Variants in GNG2 observed in about 807,000 individuals in gnomAD.
GNG2 encodes the protein guanine nucleotide-binding protein G(I)/G(S)/G(O) subunit gamma-2.
GNG2 carries 5 observed loss-of-function variants against 5.5 expected under a neutral mutation model. That is an observed-to-expected ratio of 0.91 (90% CI 0.48 to 1.92). GNG2 has a LOEUF of 1.92. GNG2 is among the 30% of genes most tolerant of loss of function. The pLI, the probability that GNG2 is intolerant of heterozygous loss-of-function variation, is 0.01. For missense variants in GNG2, 55 were observed against 88.4 expected (o/e 0.62, Z 1.52); for synonymous variants, 28 against 32.0 (o/e 0.88, Z 0.42).
At chr14:51,846,710 T>G (rs1423940235) in intron 2 of GNG2, among the ~76,000 whole-genome samples, 1 of 152,176 alleles carries the variant, frequency 6.6e-6, no homozygotes, top group Non-Finnish European at 1.5e-5. Context: ...CCCGTCACCA[T>G]GCCAACACCC....
chr14:51,840,993 C>T (rs1338024835), intron 2 of GNG2, among the ~76,000 whole-genome samples: 1 of 152,034 alleles, frequency 6.6e-6, no homozygotes, highest in Non-Finnish European at 1.5e-5. Flanking sequence ...TAATTTTTTT[C>T]CGAGAGCAGA....
chr14:51,942,601 T>TCTTTCTTTCTTTCTTTCTTTCTTTC (rs1277558601), intron 2 of GNG2, among the ~76,000 whole-genome samples: 12 of 15,328 alleles, frequency 7.8e-4, no homozygotes, highest in African/African-American at 1.2e-3. Context: ...TTTTTTTTTT[T>TCTTTCTTTCTTTCTTTCTTTCTTTC]TTTTTAGAGA....
intron 2 of GNG2, among the ~76,000 whole-genome samples, chr14:51,835,540 T>C (rs116644018): frequency 0.012 from 1,794 of 152,296 alleles, 24 homozygotes; most frequent in African/African-American, 0.037. Flanking sequence ...ATTTGAGATA[T>C]GCTGACCCAG....
intron 2 of GNG2, chr14:51,877,924 C>T (rs1883782491): frequency 3.3e-5 from 9 of 269,976 alleles, no homozygotes; most frequent in South Asian, 3.3e-4. Context: ...GCTGTCTTAA[C>T]AGAATGTATC....
intron 2 of GNG2, among the ~76,000 whole-genome samples, chr14:51,910,412 A>G (rs749021395): frequency 6.6e-6 from 1 of 152,244 alleles, no homozygotes; most frequent in African/African-American, 2.4e-5. Flanking sequence ...CAAATCATAA[A>G]GGACCGATAC....
intron 2 of GNG2, among the ~76,000 whole-genome samples, chr14:51,936,115 AG>A (rs1272897637): frequency 6.6e-6 from 1 of 152,196 alleles, no homozygotes; most frequent in Non-Finnish European, 1.5e-5. Flanking sequence ...AATAAAACAC[AG>A]TGCCACTCTG....
chr14:51,902,993 C>T (rs1485147324), intron 2 of GNG2, among the ~76,000 whole-genome samples: 2 of 152,148 alleles, frequency 1.3e-5, no homozygotes, highest in African/African-American at 4.8e-5. Context: ...TCTGAAAGGA[C>T]CTACTTAGTT....
chr14:51,963,426 C>T (rs1889726177), intron 3 of GNG2, among the ~76,000 whole-genome samples: 1 of 152,178 alleles, frequency 6.6e-6, no homozygotes, highest in Non-Finnish European at 1.5e-5. Flanking sequence ...GATTTACTGT[C>T]TCCACTGCCT....
In GNG2 at chr14:51,927,633, G is replaced by A. The variant is rs553186925; in HGVS notation, c.-29-23017G>A. Among the ~76,000 whole-genome samples the A allele has an allele frequency of 2.6e-5, 4 of 152,262 alleles. No homozygotes were observed. In the East Asian group the frequency reaches 7.7e-4, roughly 29 times the overall value. ...TTCCTAAAAATAGGGGCTGTGCCTG[G>A]TTCCCTGTTTTATCCCTAGCTCCAA... On this transcript the variant is annotated intron_variant, in intron 2 of 3. Transcript: ENST00000556766.
rs373492907 is a variant in GNG2, at chr14:51,890,960, C to T, written c.-30+13303C>T. Among the ~76,000 whole-genome samples the T allele has an allele frequency of 1.8e-4, 28 of 152,090 alleles. No individual in the cohort carries two copies. In the East Asian group the frequency reaches 2.9e-3, roughly 16 times the overall value. ...TGAATTCCAGCTTATAGAGCATCTT[C>T]AGCAAAGAACAGTACATTCTTTAGA... On this transcript the variant is annotated intron_variant, in intron 2 of 3. Transcript: ENST00000556766.
chr14:51,883,652 A>G (rs199662398), intron 2 of GNG2, among the ~76,000 whole-genome samples: 3 of 152,324 alleles, frequency 2.0e-5, no homozygotes, highest in East Asian at 3.9e-4. Context: ...ATTTCTTACA[A>G]TATGATTCAT....
intron 2 of GNG2, among the ~76,000 whole-genome samples, chr14:51,929,017 C>A (rs1200361169): frequency 6.6e-6 from 1 of 152,184 alleles, no homozygotes; most frequent in Non-Finnish European, 1.5e-5. Context: ...AGATTCTGTT[C>A]TGTCGTTTAT....
chr14:51,964,372 G>A (rs1889779213), intron 3 of GNG2, among the ~76,000 whole-genome samples: 1 of 152,230 alleles, frequency 6.6e-6, no homozygotes, highest in Admixed American at 6.5e-5. Context: ...AAGACAGCCA[G>A]AGGAAACAAA....
chr14:51,891,206 T>C (rs1884834170), intron 2 of GNG2, among the ~76,000 whole-genome samples: 2 of 152,236 alleles, frequency 1.3e-5, no homozygotes, highest in Admixed American at 1.3e-4. Flanking sequence ...CCTTTTTGTC[T>C]TTAATAAATC....
intron 2 of GNG2, among the ~76,000 whole-genome samples, chr14:51,841,060 A>G (rs1325696664): frequency 6.6e-6 from 1 of 152,224 alleles, no homozygotes; most frequent in Middle Eastern, 3.2e-3. Flanking sequence ...ACCCAAGATC[A>G]ATAAAATACT....
At chr14:51,851,044 T>A (rs1033117039) in intron 2 of GNG2, among the ~76,000 whole-genome samples, 4 of 152,242 alleles carry the variant, frequency 2.6e-5, no homozygotes, top group Non-Finnish European at 5.9e-5. Context: ...GGAGCTTATG[T>A]ACACAATGTT....
intron 2 of GNG2, among the ~76,000 whole-genome samples, chr14:51,896,425 G>T (rs11625611): frequency 0.42 from 64,342 of 151,984 alleles, 14,096 homozygotes; most frequent in African/African-American, 0.47. Flanking sequence ...GAATTGAATA[G>T]GTGTCTTTCT....
chr14:51,845,623 C>A (rs910428413), intron 2 of GNG2, among the ~76,000 whole-genome samples: 1 of 152,222 alleles, frequency 6.6e-6, no homozygotes, highest in African/African-American at 2.4e-5. Context: ...TGGCCAAATA[C>A]GTTTGGGAAA....
upstream of GNG2, among the ~76,000 whole-genome samples, chr14:51,859,514 G>T (rs948093453): frequency 1.3e-5 from 2 of 152,144 alleles, no homozygotes; most frequent in African/African-American, 2.4e-5. Flanking sequence ...AATATGTGCC[G>T]AATACGTCCT....
Sources: allele counts gnomAD v4.1 joint callset (sites outside exome capture counted in the v4.1 genomes callset), GRCh38; gene constraint gnomAD v4.1.1; transcripts MANE v1.5; gene names NCBI Gene and HGNC (gene_info 2026-07-23, HGNC 2026-07-21).